Variants in PRKN observed in about 807,000 individuals in gnomAD.
The protein encoded by PRKN is E3 ubiquitin-protein ligase parkin.
Under a neutral mutation model 59.5 loss-of-function variants are expected in PRKN, and 56 were observed. The observed-to-expected ratio is 0.94, with a 90% CI of 0.76 to 1.18. The LOEUF (loss-of-function observed/expected upper bound fraction) is 1.18. Ranked by LOEUF, PRKN falls within the 50% of genes most tolerant of loss-of-function variation. The pLI, the probability that PRKN is intolerant of heterozygous loss-of-function variation, is 0.00. For synonymous variants in PRKN, 250 were observed against 222.1 expected, an observed-to-expected ratio of 1.13 and a Z score of -1.12; for missense variants, 657 against 596.4, an observed-to-expected ratio of 1.10 and a Z score of -1.06.
intron 1 of PRKN, among the ~76,000 whole-genome samples, chr6:162,663,170 A>G (rs1030136312): frequency 6.6e-6 from 1 of 152,170 alleles, no homozygotes; most frequent in East Asian, 1.9e-4. Context: ...AGCCTTTTAT[A>G]TATCAGGGAT....
In PRKN at chr6:161,407,976, C is replaced by T. The variant is rs1308172394; in HGVS notation, c.1084-21099G>A. ...AAGCTGCCCCTCTCCTATCTCCCTT[C>T]GCTGACTCTCTTTTTGGACTCAGCC... is the stretch of plus-strand genomic sequence containing the variant. On this transcript the variant is annotated intron_variant, in intron 9 of 11. Coordinates refer to ENST00000366898, the MANE Select transcript of PRKN (RefSeq NM_004562.3). The surrounding 1 kb of genome is among the most constrained non-coding windows in gnomAD (Gnocchi z 4.9). 1.3e-5 allele frequency among the ~76,000 whole-genome samples: 2 copies of T among 152,178 alleles called. No homozygotes were observed. Among genetic ancestry groups the T allele is most frequent in the Non-Finnish European group, 2.9e-5 (2 of 68,042 alleles).
chr6:162,033,129 C>T (rs1275832147), intron 5 of PRKN, among the ~76,000 whole-genome samples: 1 of 152,194 alleles, frequency 6.6e-6, no homozygotes, highest in African/African-American at 2.4e-5. Context: ...TCGCCTCCAT[C>T]ACTTTTCACA....
intron 6 of PRKN, among the ~76,000 whole-genome samples, chr6:161,958,832 A>G (rs141490775): frequency 0.01 from 1,545 of 151,894 alleles, 25 homozygotes; most frequent in African/African-American, 0.035. Context: ...GTGAGCTGAG[A>G]TCATGCCATT....
At chr6:162,115,618 T>G (rs935319773) in intron 4 of PRKN, among the ~76,000 whole-genome samples, 1 of 151,528 alleles carries the variant, frequency 6.6e-6, no homozygotes, top group East Asian at 1.9e-4. Flanking sequence ...GAGATCACTT[T>G]GAGAGAAGGA....
chr6:162,603,524 C>G (rs1252907888), intron 1 of PRKN, among the ~76,000 whole-genome samples: 2 of 152,096 alleles, frequency 1.3e-5, no homozygotes, highest in African/African-American at 4.8e-5. Context: ...AAGAACCTTA[C>G]GGCCCCCAAA....
At chr6:161,674,228 G>C (rs1032266674) in intron 7 of PRKN, among the ~76,000 whole-genome samples, 1 of 152,080 alleles carries the variant, frequency 6.6e-6, no homozygotes, top group Admixed American at 6.6e-5. Flanking sequence ...AGTATCCTAA[G>C]TATGAACTGA....
At chr6:162,091,470 A>C (rs554291761) in intron 4 of PRKN, among the ~76,000 whole-genome samples, 58 of 152,186 alleles carry the variant, frequency 3.8e-4, no homozygotes, top group Non-Finnish European at 7.5e-4. Flanking sequence ...AAAATGTAGA[A>C]AGTGTGGATA....
intron 6 of PRKN, among the ~76,000 whole-genome samples, chr6:161,908,369 T>G (rs1419725009): frequency 2.0e-5 from 3 of 152,154 alleles, no homozygotes; most frequent in Non-Finnish European, 4.4e-5. Flanking sequence ...TGTATGTTCC[T>G]TCTCCTCTCC....
chr6:162,219,625 A>AC (rs1344178293), intron 3 of PRKN, among the ~76,000 whole-genome samples: 1 of 152,076 alleles, frequency 6.6e-6, no homozygotes, highest in Non-Finnish European at 1.5e-5. Context: ...AAAAAAAAAA[A>AC]AACATACTTC....
chr6:162,341,624 G>A (rs1257176179), intron 2 of PRKN, among the ~76,000 whole-genome samples: 10 of 152,060 alleles, frequency 6.6e-5, no homozygotes, highest in Admixed American at 6.6e-4. Flanking sequence ...GGATGAAGGT[G>A]GAAACCATCA....
intron 2 of PRKN, among the ~76,000 whole-genome samples, chr6:162,401,743 T>C (rs1787802750): frequency 2.0e-5 from 3 of 152,066 alleles, no homozygotes; most frequent in Admixed American, 2.0e-4. Context: ...ATAAGGAGAA[T>C]GGTAAATATG....
intron 3 of PRKN, among the ~76,000 whole-genome samples, chr6:162,225,115 G>C (rs1428483876): frequency 6.6e-6 from 1 of 152,198 alleles, no homozygotes; most frequent in African/African-American, 2.4e-5. Flanking sequence ...ATGGTAGACA[G>C]CAACACGTGG....
At chr6:162,085,966 C>G (rs1779229354) in intron 4 of PRKN, among the ~76,000 whole-genome samples, 1 of 152,180 alleles carries the variant, frequency 6.6e-6, no homozygotes, top group South Asian at 2.1e-4. Context: ...ATTTGCCATT[C>G]TACTCTATCC....
chr6:162,129,629 T>C (rs183689190), intron 4 of PRKN, among the ~76,000 whole-genome samples: 1 of 151,704 alleles, frequency 6.6e-6, no homozygotes, highest in African/African-American at 2.4e-5. Flanking sequence ...GGGTGGAGCA[T>C]TCTAATTTTA....
chr6:162,083,887 A>G (rs943812421), intron 4 of PRKN, among the ~76,000 whole-genome samples: 1 of 152,142 alleles, frequency 6.6e-6, no homozygotes, highest in Non-Finnish European at 1.5e-5. Context: ...AGCATTTTAA[A>G]AATAGAAAAG....
chr6:161,950,378 C>G (rs9456726), intron 6 of PRKN, among the ~76,000 whole-genome samples: 34,056 of 152,030 alleles, frequency 0.22, 4,510 homozygotes, highest in African/African-American at 0.37. Flanking sequence ...AATCCTGTCT[C>G]TACAAAAAAT....
intron 7 of PRKN, among the ~76,000 whole-genome samples, chr6:161,689,992 A>G (rs1035600553): frequency 1.3e-5 from 2 of 152,172 alleles, no homozygotes; most frequent in African/African-American, 4.8e-5. Flanking sequence ...GATTACAGAC[A>G]TGACACACCG....
rs182133284 is a variant in PRKN at position 161,447,555 on chromosome 6, G to A, written c.1084-60678C>T. ...GTCGCCCAGGCTGGAGTGCAGTGGAGTGATCTCAGCTCACTGCAACCTCCG... is the reference window on the plus strand; with the variant it reads ...GTCGCCCAGGCTGGAGTGCAGTGGAATGATCTCAGCTCACTGCAACCTCCG... On this transcript the variant is annotated intron_variant, in intron 9 of 11. Transcript: ENST00000366898. This position sits in a 1 kb window ranked among gnomAD's most constrained non-coding sequence, Gnocchi z 4.1. 6.4e-4 allele frequency among the ~76,000 whole-genome samples: 97 copies of A among 152,200 alleles called. 1 individual carries two copies. The highest frequency in any genetic ancestry group is 6.0e-3 in the Admixed American group (91 of 15,278).
At position 161,888,178 on chromosome 6, in the gene PRKN, A is replaced by C. The variant is rs116820252; in HGVS notation, c.734+85124T>G. 3.8e-3 allele frequency among the ~76,000 whole-genome samples: 577 copies of C among 152,266 alleles called. 5 individuals are homozygous for C. The highest frequency in any genetic ancestry group is 0.013 in the African/African-American group (551 of 41,520). Reference sequence around the variant, plus strand: ...TATCAGATGTGATTTGAACATTAATATCATGTTCCAGTAGGCAGTAGACAA... The same window carrying C: ...TATCAGATGTGATTTGAACATTAATCTCATGTTCCAGTAGGCAGTAGACAA... On this transcript the variant is annotated intron_variant, in intron 6 of 11. Coordinates refer to ENST00000366898, the MANE Select transcript of PRKN (RefSeq NM_004562.3).
Sources: gnomAD v4.1 joint callset for allele counts (sites outside exome capture counted in the v4.1 genomes callset) on GRCh38, gnomAD v4.1.1 for gene constraint, Gnocchi (gnomAD v3.1) non-coding constraint, MANE v1.5 for transcripts, NCBI Gene and HGNC (gene_info 2026-07-23, HGNC 2026-07-21) for gene names.